Variants in FKBP11 observed in about 807,000 individuals in gnomAD.
FKBP11 encodes the protein FKBP prolyl isomerase 11, also known as peptidyl-prolyl cis-trans isomerase FKBP11.
A neutral mutation model predicts 24.7 loss-of-function variants in FKBP11; 21 were observed. The ratio of observed to expected loss-of-function variants is 0.85; its 90% CI spans 0.60 to 1.23. The LOEUF (loss-of-function observed/expected upper bound fraction) is 1.23, where lower values mean the gene tolerates loss of function less well. Ranked by LOEUF, FKBP11 falls within the 50% of genes most tolerant of loss-of-function variation. The pLI, the probability that FKBP11 is intolerant of heterozygous loss-of-function variation, is 0.00. For synonymous variants in FKBP11, 106 were observed against 100.6 expected (o/e 1.05, Z -0.32); for missense variants, 245 against 248.7 (o/e 0.99, Z 0.10).
chr12:48,923,834 G>T lies in FKBP11; in HGVS notation c.336C>A (p.Ile112=), dbSNP rs1271788011. ...TTCCATAGGCCAAGTGAGAAGGAAT[G>T]ATTGCCCTTCGCTTCTCTCTGAGGG... The part of the protein sequence containing the change: ...DMCVGEKRRA[I]IPSHLAYGKR... The change falls in exon 5 of 6, where the codon ATC becomes ATA. Residue 112 remains isoleucine, a synonymous_variant. Transcript: ENST00000550765. 3 of 1,614,022 alleles carry T rather than the reference G, an allele frequency of 1.9e-6. No individual in the cohort carries two copies. The African/African-American group carries it at 4.0e-5, about 22-fold the overall frequency.
At chr12:48,923,641 A>G (rs746506767) in intron 5 of FKBP11, 141 bp downstream of exon 5, 1 of 1,567,764 alleles carries the variant, frequency 6.4e-7, no homozygotes, top group Non-Finnish European at 8.7e-7. Flanking sequence ...GTGGCCCTGT[A>G]GATGGAGGCC....
At chr12:48,931,564 C>T in the FKBP11 span, 12 of 1,140,036 alleles carry the variant, frequency 1.1e-5, no homozygotes, top group Non-Finnish European at 1.5e-5. Context: ...ACAACTTAAT[C>T]ACAGAACCAT....
intron 5 of FKBP11, chr12:48,923,474 AG>A (rs1939882551): frequency 6.5e-7 from 1 of 1,549,484 alleles, no homozygotes; most frequent in African/African-American, 1.4e-5. Flanking sequence ...AGGGCAGGAA[AG>A]AAGTCCAGTG....
At chr12:48,924,370 A>C (rs1168563467) in intron 3 of FKBP11, 114 bp from the exon 4 acceptor site, 4 of 1,390,840 alleles carry the variant, frequency 2.9e-6, no homozygotes, top group Non-Finnish European at 4.0e-6. Flanking sequence ...TCACTTCTTA[A>C]ATCTCTGGCT....
chr12:48,925,531 G>T, upstream of FKBP11: 1 of 1,391,978 alleles, frequency 7.2e-7, no homozygotes, highest in Non-Finnish European at 9.6e-7. Context: ...GGACGGGACG[G>T]GGCGGGTCGC....
the FKBP11 span, chr12:48,931,899 G>A: frequency 7.9e-5 from 13 of 164,040 alleles, no homozygotes; most frequent in East Asian, 1.1e-3. Flanking sequence ...TCACCAGTGC[G>A]GTGGCGCAAA....
At chr12:48,934,186 T>C in the FKBP11 span, among the ~76,000 whole-genome samples, 1 of 152,192 alleles carries the variant, frequency 6.6e-6, no homozygotes, top group African/African-American at 2.4e-5. Flanking sequence ...TTAGACCTTA[T>C]ACCTCAAGGC....
At chr12:48,932,991 G>C in the FKBP11 span, among the ~76,000 whole-genome samples, 3 of 151,954 alleles carry the variant, frequency 2.0e-5, no homozygotes, top group Non-Finnish European at 4.4e-5. Flanking sequence ...CTCAGAAGCC[G>C]GAAGTGCTCC....
chr12:48,923,528 C>T (rs1231637968), intron 5 of FKBP11: 1 of 1,551,198 alleles, frequency 6.4e-7, no homozygotes, highest in East Asian at 2.4e-5. Context: ...CCATGTGGCC[C>T]AAGCAGGTCT....
intron 4 of FKBP11, 145 bp from the exon 5 acceptor site, chr12:48,923,997 A>G (rs1397123271): frequency 2.2e-6 from 2 of 924,516 alleles, no homozygotes; most frequent in Non-Finnish European, 3.5e-6. Context: ...CAGGCTGGCC[A>G]GCAAAGGTGT....
At chr12:48,924,919 C>G in intron 2 of FKBP11, 127 bp downstream of exon 2, 1 of 1,439,088 alleles carries the variant, frequency 6.9e-7, no homozygotes, top group Non-Finnish European at 9.1e-7. Context: ...TCGCCACGTG[C>G]TCGACGACCC....
At chr12:48,924,821 C>T (rs1005809930) in intron 2 of FKBP11, 173 bp from the exon 3 acceptor site, 18 of 1,450,260 alleles carry the variant, frequency 1.2e-5, no homozygotes, top group South Asian at 1.5e-5. Flanking sequence ...TCTCGGAGAT[C>T]TCTCCACCCT....
At chr12:48,931,850 T>G in the FKBP11 span, 4 of 186,488 alleles carry the variant, frequency 2.1e-5, no homozygotes, top group Admixed American at 5.8e-5. Flanking sequence ...TAAATTTGGG[T>G]TTAAAATTTG....
the FKBP11 span, chr12:48,938,577 T>TG: frequency 1.1e-5 from 5 of 460,636 alleles, no homozygotes; most frequent in Non-Finnish European, 2.2e-5. Context: ...GAAGGGCTTG[T>TG]GGGGACAGGG....
upstream of FKBP11, among the ~76,000 whole-genome samples, chr12:48,926,677 A>G (rs896669809): frequency 2.0e-5 from 3 of 148,288 alleles, no homozygotes; most frequent in Admixed American, 1.4e-4. Context: ...ATTTTTAGTA[A>G]AGACAGGGTT....
chr12:48,925,224 G>T, intron 1 of FKBP11, 76 bp downstream of exon 1: 1 of 1,588,278 alleles, frequency 6.3e-7, no homozygotes, highest in Non-Finnish European at 8.6e-7. Context: ...CCGGCTCCCA[G>T]GTTCGCTGAG....
At chr12:48,933,628 G>A in the FKBP11 span, among the ~76,000 whole-genome samples, 26 of 151,782 alleles carry the variant, frequency 1.7e-4, no homozygotes, top group African/African-American at 6.3e-4. Context: ...TTGAACCTGA[G>A]AGGCAGAGGT....
At chr12:48,923,880 A>G (rs1164724154) in intron 4 of FKBP11, 28 bp from the exon 5 acceptor site, 2 of 1,606,544 alleles carry the variant, frequency 1.2e-6, no homozygotes, top group East Asian at 2.2e-5. Flanking sequence ...AGTCACAGCC[A>G]GAGGCAGGAG....
At chr12:48,924,456 G>A in intron 3 of FKBP11, 105 bp downstream of exon 3, 1 of 1,204,138 alleles carries the variant, frequency 8.3e-7, no homozygotes, top group Non-Finnish European at 1.2e-6. Context: ...GAGCCCTAGG[G>A]TCTTACTCAT....
Sources: gnomAD v4.1 joint callset for allele counts (sites outside exome capture counted in the v4.1 genomes callset) on GRCh38, gnomAD v4.1.1 for gene constraint, MANE v1.5 for transcripts, NCBI Gene and HGNC (gene_info 2026-07-23, HGNC 2026-07-21) for gene names.